Variants in RAD51B observed in about 807,000 individuals in gnomAD.
RAD51B encodes DNA repair protein RAD51 homolog 2.
A neutral mutation model predicts 42.2 loss-of-function variants in RAD51B; 38 were observed. The observed-to-expected ratio is 0.90, with a 90% confidence interval of 0.70 to 1.18. The LOEUF is 1.18. RAD51B is among the 50% of genes most tolerant of loss of function. RAD51B has a pLI of 0.00. For synonymous variants in RAD51B, 154 were observed against 145.2 expected (o/e 1.06, Z -0.43); for missense variants, 373 against 400.7 (o/e 0.93, Z 0.59).
At chr14:68,470,509 C>A in intron 10 of RAD51B, 1 of 488,798 alleles carries the variant, frequency 2.0e-6, no homozygotes, top group Non-Finnish European at 4.1e-6. Context: ...ATCTCTGGGC[C>A]TTGCTTTTGT....
chr14:68,468,331 T>C, intron 10 of RAD51B, 81 bp downstream of exon 10: 1 of 1,379,628 alleles, frequency 7.2e-7, no homozygotes, highest in Non-Finnish European at 1.0e-6. Flanking sequence ...GCTATGGTTC[T>C]GATAGAAGCT....
intron 7 of RAD51B, among the ~76,000 whole-genome samples, chr14:67,957,749 G>A (rs2074580543): frequency 6.6e-6 from 1 of 152,136 alleles, no homozygotes; most frequent in African/African-American, 2.4e-5. Context: ...TTTAAAAATT[G>A]AATTTCTGCC....
At chr14:68,295,933 T>G (rs1473267915) in intron 8 of RAD51B, among the ~76,000 whole-genome samples, 17 of 152,122 alleles carry the variant, frequency 1.1e-4, no homozygotes, top group Admixed American at 1.1e-3. Context: ...CACACACTTC[T>G]GATTTTGTAT....
At position 68,528,012 on chromosome 14, in the gene RAD51B, A is replaced by G. The variant is rs1887044382; in HGVS notation, c.1036+59762A>G. ...AAACTTTAAAACATTATTTTTTTTA[A>G]AAGTCTTCCATCTCAGTTTGTGGGC... On this transcript the variant is annotated intron_variant, in intron 10 of 10. Transcript: ENST00000487270. Among the ~76,000 whole-genome samples, 3 of 152,144 alleles carry G rather than the reference A, an allele frequency of 2.0e-5. No homozygotes were observed. The South Asian group carries it at 6.2e-4, about 32-fold the overall frequency.
At chr14:68,504,188 C>T (rs184425379) in intron 10 of RAD51B, among the ~76,000 whole-genome samples, 35 of 152,232 alleles carry the variant, frequency 2.3e-4, no homozygotes, top group Non-Finnish European at 4.1e-4. Flanking sequence ...CAATGACTCT[C>T]CAGGCCAGCA....
At chr14:68,011,572 C>T (rs1426485084) in intron 7 of RAD51B, among the ~76,000 whole-genome samples, 10 of 152,114 alleles carry the variant, frequency 6.6e-5, no homozygotes, top group Non-Finnish European at 1.3e-4. Flanking sequence ...GCAGCATCTT[C>T]GTAGCTTTGA....
At chr14:68,381,276 T>C (rs1198400124) in intron 8 of RAD51B, among the ~76,000 whole-genome samples, 2 of 152,238 alleles carry the variant, frequency 1.3e-5, no homozygotes, top group African/African-American at 4.8e-5. Flanking sequence ...GGAAATACTT[T>C]TTTACCTATT....
chr14:68,230,374 C>T (rs1027167112), intron 7 of RAD51B, among the ~76,000 whole-genome samples: 3 of 152,168 alleles, frequency 2.0e-5, no homozygotes, highest in Non-Finnish European at 4.4e-5. Flanking sequence ...AAGGCACCAC[C>T]ACTGGAATGA....
intron 7 of RAD51B, among the ~76,000 whole-genome samples, chr14:68,086,203 G>T (rs1471136087): frequency 1.3e-5 from 2 of 152,172 alleles, no homozygotes; most frequent in African/African-American, 4.8e-5. Context: ...CCTGGAGTTG[G>T]GCCGCCCAGA....
intron 7 of RAD51B, among the ~76,000 whole-genome samples, chr14:67,937,568 A>G (rs2045002265): frequency 6.6e-6 from 1 of 152,138 alleles, no homozygotes; most frequent in Non-Finnish European, 1.5e-5. Flanking sequence ...AAAAACTCAT[A>G]TTTAGGTGGT....
chr14:67,898,081 C>T (rs2043483953), intron 7 of RAD51B, among the ~76,000 whole-genome samples: 1 of 152,128 alleles, frequency 6.6e-6, no homozygotes, highest in Non-Finnish European at 1.5e-5. Flanking sequence ...GCCATATATC[C>T]AAAGGAATTA....
rs114077975 is a variant in RAD51B, at chr14:68,198,106, G to A, written c.757-93778G>A. 9.3e-3 allele frequency among the ~76,000 whole-genome samples: 1,413 copies of A among 152,094 alleles called. 24 individuals carry two copies. Among genetic ancestry groups the A allele is most frequent in the African/African-American group, 0.032 (1,336 of 41,494 alleles). On this transcript the variant is annotated intron_variant, in intron 7 of 10. Coordinates refer to ENST00000471583, the MANE Select transcript of RAD51B (RefSeq NM_133510.4). Reference sequence around the variant, plus strand: ...ATCTCTTATGTTTATGATCAATCCTGAATTAATCTCTATGTGTGTCATGAG... The same window carrying A: ...ATCTCTTATGTTTATGATCAATCCTAAATTAATCTCTATGTGTGTCATGAG...
intron 10 of RAD51B, among the ~76,000 whole-genome samples, chr14:68,551,880 C>T (rs1002446618): frequency 4.6e-5 from 7 of 152,132 alleles, no homozygotes; most frequent in South Asian, 2.1e-4. Context: ...GACAGAGCTG[C>T]GATTTGAACC....
intron 7 of RAD51B, among the ~76,000 whole-genome samples, chr14:68,188,245 CT>C (rs889224419): frequency 2.0e-3 from 295 of 146,682 alleles, no homozygotes; most frequent in African/African-American, 5.8e-3. Context: ...ATAGTGATTT[CT>C]TTTTTTTTTT....
At chr14:67,834,839 T>G (rs2041176077) in intron 3 of RAD51B, among the ~76,000 whole-genome samples, 1 of 152,186 alleles carries the variant, frequency 6.6e-6, no homozygotes, top group Non-Finnish European at 1.5e-5. Flanking sequence ...AGTCCTAATT[T>G]CATAGTCCCT....
intron 7 of RAD51B, among the ~76,000 whole-genome samples, chr14:68,181,807 G>A (rs1196069002): frequency 6.6e-6 from 1 of 152,162 alleles, no homozygotes; most frequent in Non-Finnish European, 1.5e-5. Context: ...TCTCTGGGTT[G>A]TAGGCTAAGG....
rs542030717 is a variant in RAD51B, at chr14:68,383,779, A to T, written c.854-27645A>T. Among the ~76,000 whole-genome samples, 32 of 152,314 alleles carry T rather than the reference A, an allele frequency of 2.1e-4. 1 individual carries two copies. The highest frequency in any genetic ancestry group is 7.5e-4 in the African/African-American group (31 of 41,570). On this transcript the variant is annotated intron_variant, in intron 8 of 10. Transcript: ENST00000471583. Reference sequence around the variant, plus strand: ...GCTGCCCTGCGTTATCAGAGTTAGAATCAGGGTGGAATACAAATATTTCCC... The same window carrying T: ...GCTGCCCTGCGTTATCAGAGTTAGATTCAGGGTGGAATACAAATATTTCCC...
intron 7 of RAD51B, among the ~76,000 whole-genome samples, chr14:68,209,637 C>T (rs1355685972): frequency 1.3e-5 from 2 of 152,132 alleles, no homozygotes; most frequent in Non-Finnish European, 2.9e-5. Context: ...TTTTAATCTA[C>T]TTTTGGGAAG....
At chr14:68,648,146 TAC>T (rs1174708827) in intron 10 of RAD51B, among the ~76,000 whole-genome samples, 14 of 74,230 alleles carry the variant, frequency 1.9e-4, no homozygotes, top group African/African-American at 5.8e-4. Context: ...TATATATATA[TAC>T]ACACACGTAT....
Sources: gnomAD v4.1 joint callset for allele counts (sites outside exome capture counted in the v4.1 genomes callset) on GRCh38, gnomAD v4.1.1 for gene constraint, MANE v1.5 for transcripts, NCBI Gene and HGNC (gene_info 2026-07-23, HGNC 2026-07-21) for gene names.